Variants in IQCB1 observed in about 807,000 individuals in gnomAD.
IQCB1 encodes IQ calmodulin-binding motif-containing protein 1.
In IQCB1, 56 loss-of-function variants were observed where a neutral mutation model predicts 84.4. The observed-to-expected ratio is 0.66, with a 90% CI of 0.54 to 0.83. The LOEUF (loss-of-function observed/expected upper bound fraction) is 0.83, where lower values mean the gene tolerates loss of function less well. Ranked by LOEUF, IQCB1 falls within the 40% of genes least tolerant of loss-of-function variation. The pLI is 0.00. For synonymous variants in IQCB1, 210 were observed against 234.8 expected, an observed-to-expected ratio of 0.89 and a Z score of 0.96; for missense variants, 629 against 682.1, an observed-to-expected ratio of 0.92 and a Z score of 0.87.
At chr3:121,789,617 T>C (rs1263099275) in intron 11 of IQCB1, among the ~76,000 whole-genome samples, 1 of 152,168 alleles carries the variant, frequency 6.6e-6, no homozygotes, top group Non-Finnish European at 1.5e-5. Flanking sequence ...TTGAAGATAA[T>C]ATTGAAACCA....
At chr3:121,789,457 A>G (rs936421878) in intron 11 of IQCB1, among the ~76,000 whole-genome samples, 1 of 152,178 alleles carries the variant, frequency 6.6e-6, no homozygotes, top group Non-Finnish European at 1.5e-5. Flanking sequence ...GTTGAGCTGC[A>G]GTTATGGATG....
chr3:121,808,825 T>A, intron 6 of IQCB1, 91 bp downstream of exon 6: 6 of 774,160 alleles, frequency 7.8e-6, no homozygotes, highest in Middle Eastern at 3.3e-4. Context: ...TCTGCACAGT[T>A]CATGTGGCAT....
chr3:121,806,741 T>C (rs1949611284), intron 7 of IQCB1, among the ~76,000 whole-genome samples: 1 of 152,112 alleles, frequency 6.6e-6, no homozygotes, highest in South Asian at 2.1e-4. Context: ...GATGTTTGTG[T>C]TTTCCATTCT....
chr3:121,770,695 A>G, intron 14 of IQCB1, 121 bp from the exon 15 acceptor site: 1 of 809,140 alleles, frequency 1.2e-6, no homozygotes, highest in Middle Eastern at 2.2e-4. Context: ...TGAATGTACT[A>G]CTTTTGAGAA....
At chr3:121,790,294 A>G in intron 10 of IQCB1, 79 bp from the exon 11 acceptor site, 1 of 1,324,310 alleles carries the variant, frequency 7.6e-7, no homozygotes, top group Non-Finnish European at 1.1e-6. Flanking sequence ...TAATCAAATA[A>G]ATGTAAACAG....
chr3:121,790,879 A>G (rs992057454), intron 10 of IQCB1, among the ~76,000 whole-genome samples: 5 of 152,190 alleles, frequency 3.3e-5, no homozygotes, highest in African/African-American at 7.2e-5. Context: ...CTATTTCTCA[A>G]TTATTGACAA....
chr3:121,816,915 AC>A (rs1950084882), intron 5 of IQCB1, among the ~76,000 whole-genome samples: 1 of 152,222 alleles, frequency 6.6e-6, no homozygotes, highest in Admixed American at 6.5e-5. Flanking sequence ...CTGGATATAT[AC>A]CCAAAGGATT....
chr3:121,828,410 T>C (rs920048331), intron 4 of IQCB1, 60 bp downstream of exon 4: 3 of 1,456,406 alleles, frequency 2.1e-6, no homozygotes, highest in Non-Finnish European at 2.9e-6. Context: ...AAGCAAATGT[T>C]GAAAATCAGA....
chr3:121,832,732 A>G (rs1356900074), intron 2 of IQCB1, among the ~76,000 whole-genome samples: 2 of 152,210 alleles, frequency 1.3e-5, no homozygotes, highest in African/African-American at 4.8e-5. Context: ...GATAAAAAAC[A>G]TTCTCCAAAT....
intron 13 of IQCB1, among the ~76,000 whole-genome samples, chr3:121,777,034 G>A (rs1010400945): frequency 1.3e-5 from 2 of 152,130 alleles, no homozygotes; most frequent in African/African-American, 2.4e-5. Context: ...TTTGAATCAT[G>A]CTTCTGGTAT....
intron 8 of IQCB1, among the ~76,000 whole-genome samples, chr3:121,798,773 T>G (rs1417731887): frequency 6.6e-6 from 1 of 151,860 alleles, no homozygotes; most frequent in East Asian, 1.9e-4. Flanking sequence ...TTTTTGTTTG[T>G]TTTTGAGGAA....
At chr3:121,804,365 C>T (rs4257595) in intron 7 of IQCB1, among the ~76,000 whole-genome samples, 97,789 of 151,866 alleles carry the variant, frequency 0.64, 31,973 homozygotes, top group African/African-American at 0.71. Context: ...TCACCATTTC[C>T]GATACTCTAT....
chr3:121,770,877 G>A (rs1947951851), intron 14 of IQCB1, among the ~76,000 whole-genome samples: 2 of 152,048 alleles, frequency 1.3e-5, no homozygotes, highest in African/African-American at 4.8e-5. Context: ...TCACTATGCT[G>A]CCCAGGCTGG....
chr3:121,773,707 A>G (rs1225727025), intron 13 of IQCB1, among the ~76,000 whole-genome samples: 1 of 152,166 alleles, frequency 6.6e-6, no homozygotes, highest in African/African-American at 2.4e-5. Context: ...AAGCACTTTA[A>G]AAAAAGAAAA....
At chr3:121,806,318 G>C (rs1165027680) in intron 7 of IQCB1, among the ~76,000 whole-genome samples, 2 of 151,980 alleles carry the variant, frequency 1.3e-5, no homozygotes, top group South Asian at 2.1e-4. Context: ...AGTCACCAGA[G>C]TAACAAAATT....
chr3:121,800,332 T>C (rs1249819635), intron 7 of IQCB1, among the ~76,000 whole-genome samples: 4 of 151,954 alleles, frequency 2.6e-5, no homozygotes, highest in Non-Finnish European at 5.9e-5. Context: ...TTTTGAGCAG[T>C]CAAATTTTAT....
chr3:121,770,843 G>GT (rs761233242), intron 14 of IQCB1, among the ~76,000 whole-genome samples: 10 of 151,902 alleles, frequency 6.6e-5, no homozygotes, highest in South Asian at 4.1e-4. Flanking sequence ...CCCAGCTAAT[G>GT]TTTTTTCTTT....
At chr3:121,830,205 A>AAATAAT (rs150016803) in intron 2 of IQCB1, among the ~76,000 whole-genome samples, 29,969 of 148,350 alleles carry the variant, frequency 0.2, 3,207 homozygotes, top group Middle Eastern at 0.32. Context: ...CTCTGTCTCA[A>AAATAAT]AATAATAATA....
intron 5 of IQCB1, among the ~76,000 whole-genome samples, chr3:121,816,316 C>G (rs1263757135): frequency 6.6e-6 from 1 of 152,014 alleles, no homozygotes; most frequent in Non-Finnish European, 1.5e-5. Flanking sequence ...CCATACAAAC[C>G]CTAGAAGAAA....
Sources: allele counts gnomAD v4.1 joint callset (sites outside exome capture counted in the v4.1 genomes callset), GRCh38; gene constraint gnomAD v4.1.1; transcripts MANE v1.5; gene names NCBI Gene and HGNC (gene_info 2026-07-23, HGNC 2026-07-21).